TBC1D32: variants seen among roughly 807,000 people sequenced by gnomAD.
The protein encoded by TBC1D32 is TBC1 domain family member 32.
TBC1D32 carries 151 observed loss-of-function variants against 170.3 expected under a neutral mutation model. The observed-to-expected ratio is 0.89, with a 90% CI of 0.78 to 1.01. The LOEUF is 1.01. Among genes scored for constraint, TBC1D32 ranks in the 50% least tolerant of loss-of-function variants. The pLI, the probability that TBC1D32 is intolerant of heterozygous loss-of-function variation, is 0.00. For missense variants in TBC1D32, 1,464 were observed against 1,457.1 expected (o/e 1.00, Z -0.08); for synonymous variants, 498 against 488.0 (o/e 1.02, Z -0.27).
chr6:121,308,916 C>T (rs750155994), intron 4 of TBC1D32, among the ~76,000 whole-genome samples: 2 of 152,038 alleles, frequency 1.3e-5, no homozygotes, highest in African/African-American at 2.4e-5. Flanking sequence ...ATATCCAAGT[C>T]GTGAATAATA....
intron 1 of TBC1D32, among the ~76,000 whole-genome samples, chr6:121,332,664 G>GCT (rs1811363257): frequency 6.6e-6 from 1 of 152,114 alleles, no homozygotes; most frequent in Non-Finnish European, 1.5e-5. Context: ...AATGCTTTAT[G>GCT]TGGATGTGTG....
intron 30 of TBC1D32, among the ~76,000 whole-genome samples, chr6:121,094,756 T>C (rs1777201317): frequency 6.6e-6 from 1 of 152,280 alleles, no homozygotes; most frequent in South Asian, 2.1e-4. Flanking sequence ...TAATATTCCA[T>C]TGTAGATAAA....
intron 15 of TBC1D32, among the ~76,000 whole-genome samples, chr6:121,259,357 T>A (rs901238820): frequency 6.6e-6 from 1 of 151,912 alleles, no homozygotes; most frequent in African/African-American, 2.4e-5. Flanking sequence ...TGGGAAAAAT[T>A]TGACTACATG....
chr6:121,104,159 A>G (rs1350571869), intron 30 of TBC1D32, among the ~76,000 whole-genome samples: 2 of 151,858 alleles, frequency 1.3e-5, no homozygotes, highest in Non-Finnish European at 2.9e-5. Flanking sequence ...CATAATATCA[A>G]GAAAAACTAC....
chr6:121,119,523 G>T (rs944053227), intron 26 of TBC1D32, among the ~76,000 whole-genome samples: 3 of 151,870 alleles, frequency 2.0e-5, no homozygotes, highest in South Asian at 4.1e-4. Context: ...TGATTAACTA[G>T]CATTACGAAG....
At chr6:121,249,838 A>G (rs1397249672) in intron 17 of TBC1D32, among the ~76,000 whole-genome samples, 1 of 152,168 alleles carries the variant, frequency 6.6e-6, no homozygotes, top group Non-Finnish European at 1.5e-5. Context: ...CACAGATGAC[A>G]CAAACAAATG....
intron 29 of TBC1D32, among the ~76,000 whole-genome samples, chr6:121,109,587 A>T (rs965809698): frequency 3.3e-5 from 5 of 152,158 alleles, no homozygotes; most frequent in African/African-American, 4.8e-5. Context: ...CAACTGGCCA[A>T]ACTCTGATTC....
intron 21 of TBC1D32, among the ~76,000 whole-genome samples, chr6:121,211,911 ACACAGTTCCTCGAC>A: frequency 6.6e-6 from 1 of 152,078 alleles, no homozygotes; most frequent in East Asian, 1.9e-4. Flanking sequence ...AACACTGCAC[ACACAGTTCCTCGAC>A]CACAGTGCCG....
At chr6:121,102,942 T>G (rs1182742297) in intron 30 of TBC1D32, among the ~76,000 whole-genome samples, 1 of 152,132 alleles carries the variant, frequency 6.6e-6, no homozygotes, top group Non-Finnish European at 1.5e-5. Flanking sequence ...CAGACACTTC[T>G]CAAAAGAAGA....
intron 30 of TBC1D32, among the ~76,000 whole-genome samples, chr6:121,105,645 A>T (rs529277944): frequency 2.0e-5 from 3 of 152,098 alleles, no homozygotes; most frequent in South Asian, 2.1e-4. Context: ...TGAGGCATAC[A>T]GGTTAATCCG....
chr6:121,234,072 G>T (rs545135202), intron 20 of TBC1D32, among the ~76,000 whole-genome samples: 1 of 152,316 alleles, frequency 6.6e-6, no homozygotes, highest in African/African-American at 2.4e-5. Context: ...TTTCTGGTGA[G>T]AAATCTGTTG....
chr6:121,155,419 A>G (rs1784757077), intron 24 of TBC1D32, among the ~76,000 whole-genome samples: 1 of 152,072 alleles, frequency 6.6e-6, no homozygotes, highest in Non-Finnish European at 1.5e-5. Context: ...AGGGTTTTCT[A>G]TGTATAGAAT....
At chr6:121,224,968 T>C (rs569039220) in intron 20 of TBC1D32, among the ~76,000 whole-genome samples, 10 of 152,196 alleles carry the variant, frequency 6.6e-5, no homozygotes, top group Non-Finnish European at 1.2e-4. Context: ...ATTTGGATAG[T>C]AATGAAGTTA....
chr6:121,160,542 G>C (rs1226689339), intron 23 of TBC1D32, among the ~76,000 whole-genome samples: 1 of 150,140 alleles, frequency 6.7e-6, no homozygotes, highest in African/African-American at 2.4e-5. Flanking sequence ...AAACCTTCAT[G>C]AGAAACCCAT....
At chr6:121,249,138 T>C (rs1797980390) in intron 17 of TBC1D32, among the ~76,000 whole-genome samples, 2 of 151,980 alleles carry the variant, frequency 1.3e-5, no homozygotes, top group South Asian at 4.1e-4. Flanking sequence ...GATCACAATG[T>C]AGGGATGGTT....
chr6:121,097,327 C>G (rs1488842516), intron 30 of TBC1D32, among the ~76,000 whole-genome samples: 3 of 151,952 alleles, frequency 2.0e-5, no homozygotes, highest in African/African-American at 7.3e-5. Context: ...CCAGAATCTA[C>G]AAAGAACTCA....
chr6:121,257,490 T>C (rs1799197747), intron 15 of TBC1D32, among the ~76,000 whole-genome samples: 3 of 152,200 alleles, frequency 2.0e-5, no homozygotes, highest in Admixed American at 6.5e-5. Context: ...TTTTTCTGAT[T>C]ATAGCATTTA....
chr6:121,132,607 CT>C (rs1781558133), intron 24 of TBC1D32, among the ~76,000 whole-genome samples: 1 of 151,872 alleles, frequency 6.6e-6, no homozygotes, highest in Non-Finnish European at 1.5e-5. Context: ...TCCTGTTAAT[CT>C]GTTATTTCAG....
At chr6:121,277,892 G>A (rs1802454043) in intron 15 of TBC1D32, among the ~76,000 whole-genome samples, 2 of 150,824 alleles carry the variant, frequency 1.3e-5, no homozygotes, top group Admixed American at 1.3e-4. Context: ...AAAAAAAAGA[G>A]AAGACACAAA....
Sources: allele counts gnomAD v4.1 joint callset (sites outside exome capture counted in the v4.1 genomes callset), GRCh38; gene constraint gnomAD v4.1.1; transcripts MANE v1.5; gene names NCBI Gene and HGNC (gene_info 2026-07-23, HGNC 2026-07-21).